CCDC91: variants seen among roughly 807,000 people sequenced by gnomAD.
CCDC91 encodes the protein coiled-coil domain containing 91.
CCDC91 carries 48 observed loss-of-function variants against 63.2 expected under a neutral mutation model. The observed-to-expected ratio is 0.76, with a 90% CI of 0.60 to 0.97. The LOEUF (loss-of-function observed/expected upper bound fraction) is 0.97. Among genes scored for constraint, CCDC91 ranks in the 50% least tolerant of loss-of-function variants. CCDC91 has a pLI of 0.00. For synonymous variants in CCDC91, 167 were observed against 165.8 expected, an observed-to-expected ratio of 1.01 and a Z score of -0.06; for missense variants, 500 against 494.6, an observed-to-expected ratio of 1.01 and a Z score of -0.10.
rs76739493 is a variant in CCDC91 at position 28,359,888 on chromosome 12, T to C, written c.577-2550T>C. On this transcript the variant is annotated intron_variant, in intron 6 of 12. Transcript: ENST00000536442. ...TAGGTCCTTACATGAGACAGTAATA[T>C]ACTATTTGTGAAATAACTTGACATG... Among the ~76,000 whole-genome samples, 1,390 of 152,288 alleles carry C rather than the reference T, an allele frequency of 9.1e-3. 26 individuals are homozygous for C. The highest frequency in any genetic ancestry group is 0.032 in the African/African-American group (1,320 of 41,550).
At chr12:28,546,661 C>T (rs981973765) in intron 12 of CCDC91, among the ~76,000 whole-genome samples, 10 of 151,852 alleles carry the variant, frequency 6.6e-5, no homozygotes, top group African/African-American at 2.4e-4. Context: ...ATCTTAATGT[C>T]TGTGAATATA....
rs1484080427 is a variant in CCDC91 at position 28,549,913 on chromosome 12, A to G, written c.*740A>G. The G allele has an allele frequency of 6.6e-6, 1 of 152,366 alleles. No individual in the cohort carries two copies. The highest frequency in any genetic ancestry group is 1.5e-5 in the Non-Finnish European group (1 of 68,010). 9.4% of individuals were successfully genotyped at this position (152,366 alleles called of 1,614,324 possible). On this transcript the variant is annotated 3_prime_UTR_variant, in exon 13 of 13. Coordinates refer to ENST00000536442, the MANE Select transcript of CCDC91 (RefSeq NM_018318.5). ...TGAACTTAATCTCTAGAAAGAGAAT[A>G]TAACTCAGCCATTTATAGGAATTTA... is the stretch of plus-strand genomic sequence containing the variant.
chr12:28,205,078 G>A (rs895025260), intron 1 of CCDC91, among the ~76,000 whole-genome samples: 2 of 152,092 alleles, frequency 1.3e-5, no homozygotes, highest in African/African-American at 4.8e-5. Flanking sequence ...TGGATTTTTA[G>A]TTAATGACTC....
At position 28,335,294 on chromosome 12, in the gene CCDC91, TATA is replaced by T. The variant is rs763622914; in HGVS notation, c.577-27140_577-27138del. Among the ~76,000 whole-genome samples the T allele has an allele frequency of 4.4e-3, 607 of 137,808 alleles. 3 individuals are homozygous for T. The Middle Eastern group carries it at 0.085, about 19-fold the overall frequency. 90.4% of individuals were successfully genotyped at this position (137,808 alleles called of 152,430 possible). ...AATATATAATACATATTATATATAA[TATA>T]ATATATAATACATATTATGTATAAT... is the stretch of plus-strand genomic sequence containing the variant. On this transcript the variant is annotated intron_variant, in intron 6 of 12. Transcript: ENST00000536442.
intron 3 of CCDC91, among the ~76,000 whole-genome samples, chr12:28,267,475 A>T (rs1175243267): frequency 6.6e-6 from 1 of 150,654 alleles, no homozygotes; most frequent in Non-Finnish European, 1.5e-5. Context: ...TATTTTCAGC[A>T]AAGCTATTTT....
intron 1 of CCDC91, among the ~76,000 whole-genome samples, chr12:28,217,892 G>A (rs535915002): frequency 1.4e-4 from 22 of 152,172 alleles, no homozygotes; most frequent in African/African-American, 4.8e-4. Flanking sequence ...TTCACTATCC[G>A]TGGCAGCCTG....
intron 12 of CCDC91, among the ~76,000 whole-genome samples, chr12:28,496,611 G>A (rs1952298068): frequency 6.6e-6 from 1 of 151,476 alleles, no homozygotes; most frequent in South Asian, 2.1e-4. Flanking sequence ...TAGTCTTTTG[G>A]CTAATTCTAA....
chr12:28,287,703 A>G (rs1244232903), intron 3 of CCDC91, among the ~76,000 whole-genome samples: 7 of 152,176 alleles, frequency 4.6e-5, no homozygotes, highest in South Asian at 2.1e-4. Context: ...TTGGTTCCAT[A>G]TGAATTTTCA....
At chr12:28,434,155 T>A (rs1233008113) in intron 8 of CCDC91, among the ~76,000 whole-genome samples, 1 of 151,802 alleles carries the variant, frequency 6.6e-6, no homozygotes, top group African/African-American at 2.4e-5. Context: ...TGGTTTTATT[T>A]CTTTCTTCCC....
chr12:28,475,297 T>TAG (rs1951024804), intron 11 of CCDC91, among the ~76,000 whole-genome samples: 1 of 152,092 alleles, frequency 6.6e-6, no homozygotes, highest in South Asian at 2.1e-4. Context: ...TTTGCAGGGA[T>TAG]AGAATGTAGG....
At chr12:28,271,914 T>G (rs1947794059) in intron 3 of CCDC91, among the ~76,000 whole-genome samples, 1 of 149,028 alleles carries the variant, frequency 6.7e-6, no homozygotes, top group African/African-American at 2.4e-5. Flanking sequence ...TATATATAAA[T>G]ATAGATATTA....
chr12:28,317,811 C>CT (rs1491252015), intron 6 of CCDC91, among the ~76,000 whole-genome samples: 5 of 151,524 alleles, frequency 3.3e-5, no homozygotes, highest in African/African-American at 1.2e-4. Flanking sequence ...GTATTTGTAC[C>CT]TTTTTTTAAT....
At chr12:28,539,931 A>G (rs1277429047) in intron 12 of CCDC91, among the ~76,000 whole-genome samples, 4 of 152,156 alleles carry the variant, frequency 2.6e-5, no homozygotes, top group Non-Finnish European at 4.4e-5. Flanking sequence ...AAAGAGAGAA[A>G]AAGTCTGTTC....
chr12:28,283,039 A>G (rs192715893), intron 3 of CCDC91, among the ~76,000 whole-genome samples: 8 of 152,050 alleles, frequency 5.3e-5, no homozygotes, highest in Admixed American at 3.9e-4. Context: ...CTGTATTTCT[A>G]GGTTCTCCAT....
Position 28,256,514 on chromosome 12 carries a change from A to T in CCDC91, c.-14-688A>T, listed in dbSNP as rs566361822. ...ACATTTAGGACTAAAAAAGCAAATA[A>T]TATTTGAGTGCTTGTCTCTCTTACA... On this transcript the variant is annotated intron_variant, in intron 1 of 12. Coordinates refer to ENST00000536442, the MANE Select transcript of CCDC91 (RefSeq NM_018318.5). Among the ~76,000 whole-genome samples, 157 of 152,002 alleles carry T rather than the reference A, an allele frequency of 1.0e-3. 1 individual carries two copies. The highest frequency in any genetic ancestry group is 3.4e-3 in the African/African-American group (142 of 41,472).
At chr12:28,335,964 A>G (rs1310208001) in intron 6 of CCDC91, among the ~76,000 whole-genome samples, 2 of 151,526 alleles carry the variant, frequency 1.3e-5, no homozygotes, top group Admixed American at 6.6e-5. Flanking sequence ...AAAAAAAACC[A>G]CACAATTTTT....
At chr12:28,465,149 G>A (rs1253782683) in intron 11 of CCDC91, among the ~76,000 whole-genome samples, 1 of 152,152 alleles carries the variant, frequency 6.6e-6, no homozygotes, top group Non-Finnish European at 1.5e-5. Context: ...GGGAAGAGTG[G>A]GAAGGATTGT....
At chr12:28,450,092 C>T (rs1215612192) in intron 8 of CCDC91, 69 bp from the exon 9 acceptor site, 4 of 795,496 alleles carry the variant, frequency 5.0e-6, no homozygotes, top group Admixed American at 2.6e-5. Flanking sequence ...TGAATTCTAC[C>T]AGCTACTCTC....
chr12:28,544,859 A>C (rs1461789999), intron 12 of CCDC91, among the ~76,000 whole-genome samples: 2 of 152,006 alleles, frequency 1.3e-5, no homozygotes, highest in Admixed American at 6.6e-5. Flanking sequence ...GGCATGAAAC[A>C]CTCATGAAAG....
Sources: allele counts gnomAD v4.1 joint callset (sites outside exome capture counted in the v4.1 genomes callset), GRCh38; gene constraint gnomAD v4.1.1; transcripts MANE v1.5; gene names NCBI Gene and HGNC (gene_info 2026-07-23, HGNC 2026-07-21).